Variants in AKAP19 observed in about 807,000 individuals in gnomAD.
AKAP19 encodes small A-kinase anchoring protein.
At chr2:189,882,640 C>G in the AKAP19 span, among the ~76,000 whole-genome samples, 1 of 152,104 alleles carries the variant, frequency 6.6e-6, no homozygotes, top group African/African-American at 2.4e-5. Context: ...AGGAAGCAAT[C>G]AGGCATTTGT....
chr2:190,120,648 C>T, the AKAP19 span, among the ~76,000 whole-genome samples: 1 of 152,146 alleles, frequency 6.6e-6, no homozygotes, highest in Non-Finnish European at 1.5e-5. Context: ...TTGCAGTATG[C>T]TAACTTATTT....
chr2:190,180,941 C>T, the AKAP19 span: 1 of 985,290 alleles, frequency 1.0e-6, no homozygotes, highest in Non-Finnish European at 1.2e-6. This position sits in a 1 kb window ranked among gnomAD's most constrained non-coding sequence, Gnocchi z 6.8. Context: ...CACTTTGCCC[C>T]CGCCCGGCCT....
the AKAP19 span, among the ~76,000 whole-genome samples, chr2:189,976,763 G>C: frequency 6.6e-6 from 1 of 152,184 alleles, no homozygotes; most frequent in African/African-American, 2.4e-5. Flanking sequence ...TGTGGGCTTC[G>C]GACACTCTGA....
the AKAP19 span, among the ~76,000 whole-genome samples, chr2:190,118,670 C>T: frequency 6.6e-6 from 1 of 152,198 alleles, no homozygotes; most frequent in East Asian, 1.9e-4. Flanking sequence ...TTCAACAGCC[C>T]TTCATGCTAA....
chr2:190,178,652 T>C, the AKAP19 span, among the ~76,000 whole-genome samples: 1 of 152,224 alleles, frequency 6.6e-6, no homozygotes, highest in East Asian at 1.9e-4. This position sits in a 1 kb window ranked among gnomAD's most constrained non-coding sequence, Gnocchi z 6.3. Context: ...AGGAGCAGCT[T>C]GGCTCGGTGT....
chr2:190,145,063 T>C, the AKAP19 span, among the ~76,000 whole-genome samples: 18 of 152,216 alleles, frequency 1.2e-4, no homozygotes, highest in Non-Finnish European at 1.5e-4. Flanking sequence ...GATGGGAGAA[T>C]TGCTTGAGCC....
the AKAP19 span, among the ~76,000 whole-genome samples, chr2:190,122,120 C>T: frequency 6.6e-6 from 1 of 152,042 alleles, no homozygotes; most frequent in Admixed American, 6.6e-5. Flanking sequence ...AAGTACTTGT[C>T]GATAGATATT....
chr2:190,174,475 GC>G, the AKAP19 span, among the ~76,000 whole-genome samples: 2 of 152,100 alleles, frequency 1.3e-5, no homozygotes, highest in Non-Finnish European at 2.9e-5. Flanking sequence ...ATGTGGCTAT[GC>G]CCCCTTTCAA....
the AKAP19 span, among the ~76,000 whole-genome samples, chr2:190,198,416 A>C: frequency 2.0e-5 from 3 of 152,086 alleles, no homozygotes; most frequent in Non-Finnish European, 2.9e-5. Flanking sequence ...TGAGGTGGGC[A>C]GATCACTTGA....
At chr2:190,085,799 C>A in the AKAP19 span, among the ~76,000 whole-genome samples, 2 of 152,124 alleles carry the variant, frequency 1.3e-5, no homozygotes, top group Non-Finnish European at 2.9e-5. Flanking sequence ...TTGCTGGTAA[C>A]CAGGTGCCTC....
At chr2:189,974,956 A>C in the AKAP19 span, among the ~76,000 whole-genome samples, 1 of 152,286 alleles carries the variant, frequency 6.6e-6, no homozygotes, top group South Asian at 2.1e-4. Context: ...TGTGTCTTTT[A>C]ATTGGAGCAT....
chr2:190,034,560 A>AAAT, the AKAP19 span, among the ~76,000 whole-genome samples: 1 of 148,840 alleles, frequency 6.7e-6, no homozygotes, highest in Non-Finnish European at 1.5e-5. Flanking sequence ...AAAAAAAAAA[A>AAAT]TTGGCCAGGC....
chr2:189,932,872 A>G, the AKAP19 span, among the ~76,000 whole-genome samples: 1 of 152,338 alleles, frequency 6.6e-6, no homozygotes, highest in East Asian at 1.9e-4. Flanking sequence ...ATTAAAAGCC[A>G]CATGGAATAT....
the AKAP19 span, among the ~76,000 whole-genome samples, chr2:190,014,875 T>C: frequency 6.6e-6 from 1 of 152,190 alleles, no homozygotes; most frequent in African/African-American, 2.4e-5. Context: ...AGGGCAGTCA[T>C]TACATCTTAG....
At chr2:189,952,647 T>G in the AKAP19 span, among the ~76,000 whole-genome samples, 1 of 152,350 alleles carries the variant, frequency 6.6e-6, no homozygotes, top group East Asian at 1.9e-4. Context: ...AAAAATATTC[T>G]GTTACAGTTG....
At chr2:189,986,136 C>T in the AKAP19 span, among the ~76,000 whole-genome samples, 1 of 152,122 alleles carries the variant, frequency 6.6e-6, no homozygotes, top group African/African-American at 2.4e-5. Context: ...AACTACCCTC[C>T]TTCTTGGGCA....
At chr2:190,056,625 A>G in the AKAP19 span, 2 of 152,590 alleles carry the variant, frequency 1.3e-5, no homozygotes, top group Admixed American at 1.3e-4. Flanking sequence ...AGAGAAACTT[A>G]CTATTTTACT....
At chr2:190,175,835 A>C in the AKAP19 span, among the ~76,000 whole-genome samples, 2 of 152,228 alleles carry the variant, frequency 1.3e-5, no homozygotes, top group Non-Finnish European at 2.9e-5. Flanking sequence ...TTCCCTCCAA[A>C]ATTCAGATGT....
At chr2:189,945,545 A>C in the AKAP19 span, among the ~76,000 whole-genome samples, 1 of 152,214 alleles carries the variant, frequency 6.6e-6, no homozygotes, top group Non-Finnish European at 1.5e-5. Flanking sequence ...AAAGCCAAAG[A>C]CTAAAAAACT....
Sources: gnomAD v4.1 joint callset for allele counts (sites outside exome capture counted in the v4.1 genomes callset) on GRCh38, gnomAD v4.1.1 for gene constraint, Gnocchi (gnomAD v3.1) non-coding constraint, MANE v1.5 for transcripts, NCBI Gene and HGNC (gene_info 2026-07-23, HGNC 2026-07-21) for gene names.